The following USP40 variants were observed in gnomAD, a reference collection of about 807,000 sequenced individuals.
USP40 encodes ubiquitin specific peptidase 40, also known as ubiquitin carboxyl-terminal hydrolase 40.
USP40 carries 143 observed loss-of-function variants against 166.2 expected under a neutral mutation model. The observed-to-expected ratio is 0.86, with a 90% confidence interval of 0.75 to 0.99. The LOEUF is 0.99. USP40 is among the 50% of genes least tolerant of loss of function. The pLI is 0.00. For synonymous variants in USP40, 498 were observed against 524.0 expected, an observed-to-expected ratio of 0.95 and a Z score of 0.68; for missense variants, 1,444 against 1,479.7, an observed-to-expected ratio of 0.98 and a Z score of 0.40.
Position 233,549,153 on chromosome 2 carries a change from T to C in USP40, c.914A>G (p.His305Arg). The change falls in exon 8 of 32, where the codon CAT (histidine) becomes CGT (arginine). Residue 305 changes from histidine to arginine, a missense_variant. His to Arg is a conservative substitution (Grantham distance 29). Coordinates refer to ENST00000678225, the MANE Select transcript of USP40 (RefSeq NM_001365479.2). ...IIHKGGCYGG[H>R]YHVYIKDVDH... ...AACATCTTTAATATATACATGGTAATGGCCTCCGTAGCAGCCACCTTTGTG... is the reference window on the plus strand; with the variant it reads ...AACATCTTTAATATATACATGGTAACGGCCTCCGTAGCAGCCACCTTTGTG... 1 of 1,600,012 alleles carries C rather than the reference T, an allele frequency of 6.2e-7. No homozygotes were observed. Among genetic ancestry groups the C allele is most frequent in the Non-Finnish European group, 8.5e-7 (1 of 1,171,684 alleles).
chr2:233,519,591 G>A (rs1296617233), intron 18 of USP40, 23 bp downstream of exon 18: 14 of 1,409,784 alleles, frequency 9.9e-6, no homozygotes, highest in African/African-American at 4.3e-5. Flanking sequence ...ACTAAGAACC[G>A]AAAAGAAAAT....
At chr2:233,532,278 A>G (rs980510766) in intron 11 of USP40, among the ~76,000 whole-genome samples, 3 of 152,176 alleles carry the variant, frequency 2.0e-5, no homozygotes, top group African/African-American at 4.8e-5. Flanking sequence ...TCGTTTGCAA[A>G]TAAGTGTAAC....
chr2:233,487,791 G>A (rs2065039146), intron 28 of USP40: 2 of 356,148 alleles, frequency 5.6e-6, no homozygotes, highest in East Asian at 7.5e-5. Flanking sequence ...AATAAACCAA[G>A]TACTTATATT....
intron 24 of USP40, among the ~76,000 whole-genome samples, chr2:233,495,010 A>AATAT (rs1183628194): frequency 3.9e-5 from 5 of 127,646 alleles, no homozygotes; most frequent in Non-Finnish European, 8.3e-5. Flanking sequence ...TAAATAAATA[A>AATAT]ATATATAAAA....
At chr2:233,548,101 T>C (rs1003827786) in intron 8 of USP40, among the ~76,000 whole-genome samples, 16 of 152,078 alleles carry the variant, frequency 1.1e-4, no homozygotes, top group African/African-American at 3.6e-4. Flanking sequence ...AGAACTGGCA[T>C]AGTACATTGG....
intron 8 of USP40, chr2:233,546,007 A>C (rs2069888471): frequency 6.6e-6 from 1 of 152,244 alleles, no homozygotes; most frequent in South Asian, 2.1e-4. Context: ...AAGAAAAAAA[A>C]ATAACAAATG....
At chr2:233,482,281 T>C (rs1056331741) in intron 30 of USP40, among the ~76,000 whole-genome samples, 1 of 152,000 alleles carries the variant, frequency 6.6e-6, no homozygotes, top group African/African-American at 2.4e-5. Context: ...GAAGAGTCAC[T>C]TGAACTCGGG....
intron 13 of USP40, among the ~76,000 whole-genome samples, chr2:233,527,179 A>G (rs2068086466): frequency 6.6e-6 from 1 of 152,174 alleles, no homozygotes. Context: ...AATAAAATGT[A>G]CCAGGCCTGA....
chr2:233,533,256 TA>T (rs2125277426), intron 11 of USP40, among the ~76,000 whole-genome samples: 1 of 152,330 alleles, frequency 6.6e-6, no homozygotes, highest in Admixed American at 6.5e-5. Context: ...ATGATGATCT[TA>T]CATTATTACA....
intron 15 of USP40, among the ~76,000 whole-genome samples, chr2:233,523,949 A>C (rs1427816081): frequency 6.6e-6 from 1 of 152,200 alleles, no homozygotes; most frequent in African/African-American, 2.4e-5. Context: ...AGGGCCTAAA[A>C]GGACACAGAT....
At chr2:233,562,992 T>C (rs1025428522) in intron 2 of USP40, among the ~76,000 whole-genome samples, 189 bp from the exon 3 acceptor site, 1 of 152,166 alleles carries the variant, frequency 6.6e-6, no homozygotes, top group Non-Finnish European at 1.5e-5. Context: ...AAGAAAATAG[T>C]GTCATGCTAA....
chr2:233,521,230 T>C, intron 16 of USP40, 116 bp from the exon 17 acceptor site: 1 of 1,208,388 alleles, frequency 8.3e-7, no homozygotes, highest in South Asian at 1.9e-5. Context: ...TACTGAGTCG[T>C]CTCTATGATA....
chr2:233,517,178 T>C (rs1402776331), intron 18 of USP40, among the ~76,000 whole-genome samples: 2 of 152,176 alleles, frequency 1.3e-5, no homozygotes, highest in Non-Finnish European at 2.9e-5. Flanking sequence ...AGAATGGCCA[T>C]GTTGGTGTGG....
At chr2:233,512,023 A>C (rs2066876481) in intron 19 of USP40, 1 of 390,214 alleles carries the variant, frequency 2.6e-6, no homozygotes, top group African/African-American at 2.1e-5. Flanking sequence ...TGCTAAATGG[A>C]AGCTATGAAA....
At chr2:233,549,284 A>T (rs1559278032) in intron 7 of USP40, 55 bp from the exon 8 acceptor site, 1 of 1,107,942 alleles carries the variant, frequency 9.0e-7, no homozygotes, top group South Asian at 2.0e-5. Context: ...TGCTGATAAT[A>T]ATCAAAAGAA....
In USP40 at chr2:233,533,597, A is replaced by G. The variant is rs769141781; in HGVS notation, c.1353T>C (p.Asp451=). ...NNSISCPHWF[D]INDSKVQPIR... ...TTGGCTGGACTTTAGAATCATTTATATCAAACCAGTGGGGACAGGAGATGC... is the reference window on the plus strand; with the variant it reads ...TTGGCTGGACTTTAGAATCATTTATGTCAAACCAGTGGGGACAGGAGATGC... The change falls in exon 11 of 32, where the codon GAT becomes GAC. Residue 451 remains aspartate, a synonymous_variant. Transcript: ENST00000678225. 6.2e-7 allele frequency: 1 copy of G among 1,613,882 alleles called. No individual in the cohort carries two copies. Among genetic ancestry groups the G allele is most frequent in the South Asian group, 1.1e-5 (1 of 91,076 alleles).
intron 7 of USP40, 30 bp downstream of exon 7, chr2:233,551,346 G>GA: frequency 6.4e-7 from 1 of 1,565,654 alleles, no homozygotes. Flanking sequence ...GAGGGGAAAA[G>GA]AAAGAATTTA....
chr2:233,477,960 T>C (rs1490113548), intron 31 of USP40, among the ~76,000 whole-genome samples: 1 of 152,244 alleles, frequency 6.6e-6, no homozygotes. Context: ...AGACTGGCTT[T>C]CGCTGTGACC....
chr2:233,531,191 A>G (rs898167092), intron 11 of USP40, among the ~76,000 whole-genome samples: 4 of 151,630 alleles, frequency 2.6e-5, no homozygotes, highest in African/African-American at 9.7e-5. Context: ...GCTTAGATCA[A>G]CTCCTGGGTT....
Sources: gnomAD v4.1 joint callset for allele counts (sites outside exome capture counted in the v4.1 genomes callset) on GRCh38, gnomAD v4.1.1 for gene constraint, MANE v1.5 for transcripts, NCBI Gene and HGNC (gene_info 2026-07-23, HGNC 2026-07-21) for gene names.